DNAH11: variants seen among roughly 807,000 people sequenced by gnomAD.
DNAH11 encodes dynein axonemal heavy chain 11.
Under a neutral mutation model 526.0 loss-of-function variants are expected in DNAH11, and 442 were observed. That is an observed-to-expected ratio of 0.84 (90% CI 0.78 to 0.91). The LOEUF is 0.91. Ranked by LOEUF, DNAH11 falls within the 40% of genes least tolerant of loss-of-function variation. DNAH11 has a pLI of 0.00. For missense variants in DNAH11, 6,989 were observed against 5,448.7 expected, an observed-to-expected ratio of 1.28 and a Z score of -8.90; for synonymous variants, 2,461 against 1,935.9, an observed-to-expected ratio of 1.27 and a Z score of -7.12.
intron 63 of DNAH11, among the ~76,000 whole-genome samples, chr7:21,814,548 A>C (rs1262081993): frequency 8.0e-6 from 1 of 124,568 alleles, no homozygotes; most frequent in Non-Finnish European, 1.6e-5. Context: ...CCAGAGTGTG[A>C]TGTTCCCCTT....
chr7:21,817,597 G>A (rs1163924519), intron 64 of DNAH11, among the ~76,000 whole-genome samples: 1 of 151,312 alleles, frequency 6.6e-6, no homozygotes, highest in Non-Finnish European at 1.5e-5. Flanking sequence ...AGAGGCTGAG[G>A]CAGGAGGATC....
rs1418505953 is a variant in DNAH11 at position 21,842,653 on chromosome 7, A to T, written c.10801A>T (p.Thr3601Ser). The T allele has an allele frequency of 3.1e-6, 5 of 1,613,582 alleles. No homozygotes were observed. The highest frequency in any genetic ancestry group is 4.2e-6 in the Non-Finnish European group (5 of 1,179,814). Residue 3601 changes from threonine (T) to serine (S), a missense_variant, in exon 66 of 82, where the codon ACT (threonine) becomes TCT (serine). Thr to Ser is a moderately conservative substitution (Grantham distance 58). Transcript: ENST00000409508. ...TAAGCCGGAATTACAAGCTCAGACA[A>T]CTCTCCTCAATTTCACAGTCACAGA... ...HYKPELQAQT[T>S]LLNFTVTEDG...
At chr7:21,750,486 A>AT (rs2128493171) in intron 54 of DNAH11, 122 bp downstream of exon 54, 1 of 1,282,326 alleles carries the variant, frequency 7.8e-7, no homozygotes, top group East Asian at 2.5e-5. Flanking sequence ...GGACGTGTGC[A>AT]TTTTTACACG....
At chr7:21,812,530 A>T (rs1789574620) in intron 63 of DNAH11, among the ~76,000 whole-genome samples, 1 of 141,572 alleles carries the variant, frequency 7.1e-6, no homozygotes, top group African/African-American at 2.6e-5. Context: ...TTTTAAACCC[A>T]GCCAGGTGTG....
intron 62 of DNAH11, among the ~76,000 whole-genome samples, chr7:21,802,317 T>TA (rs200977591): frequency 0.012 from 1,857 of 152,160 alleles, 41 homozygotes; most frequent in African/African-American, 0.041. Flanking sequence ...ATGACTATAA[T>TA]AAAAAATATG....
At chr7:21,789,146 A>C (rs1788321112) in intron 60 of DNAH11, 95 bp from the exon 61 acceptor site, 3 of 910,070 alleles carry the variant, frequency 3.3e-6, no homozygotes, top group Non-Finnish European at 5.1e-6. Flanking sequence ...AAGTTGCTAG[A>C]TGAATTAGAG....
chr7:21,644,999 T>A (rs1787287787), intron 28 of DNAH11, among the ~76,000 whole-genome samples: 1 of 152,262 alleles, frequency 6.6e-6, no homozygotes. Context: ...ATTTTGCATA[T>A]GTGTTGCCAC....
chr7:21,705,610 A>T, intron 39 of DNAH11, 73 bp downstream of exon 39: 1 of 1,449,458 alleles, frequency 6.9e-7, no homozygotes, highest in Non-Finnish European at 9.6e-7. Context: ...GCCTATTTTC[A>T]ATGCTACTCA....
chr7:21,848,166 C>CAAAAAAAAAAAAA (rs58058317), intron 66 of DNAH11, among the ~76,000 whole-genome samples: 2 of 88,986 alleles, frequency 2.2e-5, no homozygotes, highest in African/African-American at 8.4e-5. Context: ...GACTCTGTTT[C>CAAAAAAAAAAAAA]AAAAAAAAAA....
rs558790980 is a variant in DNAH11, at chr7:21,551,437, C to T, written c.495+6288C>T. 2.3e-3 allele frequency among the ~76,000 whole-genome samples: 349 copies of T among 152,266 alleles called. 1 individual carries two copies. Among genetic ancestry groups the T allele is most frequent in the Middle Eastern group, 3.4e-3 (1 of 294 alleles). ...AGTTCCCCATGTACCAATTCCTTTCCGCTGCTATTTATTAGGCCCCACTCT... is the reference window on the plus strand; with the variant it reads ...AGTTCCCCATGTACCAATTCCTTTCTGCTGCTATTTATTAGGCCCCACTCT... On this transcript the variant is annotated intron_variant, in intron 2 of 81. Transcript: ENST00000409508.
rs541780146 is a variant in DNAH11, at chr7:21,734,248, GT to G, written c.7441-1390del. Among the ~76,000 whole-genome samples, 1,370 of 152,314 alleles carry G rather than the reference GT, an allele frequency of 9.0e-3. 7 individuals are homozygous for G. The highest frequency in any genetic ancestry group is 0.014 in the Non-Finnish European group (927 of 68,034). On this transcript the variant is annotated intron_variant, in intron 45 of 81. Transcript: ENST00000409508. ...AAATAACAACTCTCTTTATAGGTTT[GT>G]TATGGGTGTCTTATGACATTATACA... is the stretch of plus-strand genomic sequence containing the variant.
Position 21,564,304 on chromosome 7 carries a change from C to A in DNAH11, c.1101C>A (p.Thr367=), listed in dbSNP as rs765777122. 6.2e-7 allele frequency: 1 copy of A among 1,613,526 alleles called. No individual in the cohort carries two copies. The highest frequency in any genetic ancestry group is 8.5e-7 in the Non-Finnish European group (1 of 1,179,662). Residue 367 remains threonine, a synonymous_variant, in exon 6 of 82, where the codon ACC becomes ACA. Transcript: ENST00000409508. ...TATTAATCGCTCCATTATTTCATAC[C>A]ATCTGTCTGATCTGGAGTCATTCCA... ...TRILIAPLFH[T]ICLIWSHSKF... is the part of the protein sequence containing the mutation.
intron 25 of DNAH11, among the ~76,000 whole-genome samples, chr7:21,626,641 A>G (rs1162279980): frequency 1.3e-5 from 2 of 151,396 alleles, no homozygotes; most frequent in South Asian, 2.1e-4. Context: ...GGTAAAAGCC[A>G]TTTAACTGGG....
chr7:21,594,426 G>T (rs921523986), intron 14 of DNAH11, among the ~76,000 whole-genome samples: 6 of 152,158 alleles, frequency 3.9e-5, no homozygotes. Flanking sequence ...TGCTCTCATG[G>T]AACTTGAATC....
intron 76 of DNAH11, among the ~76,000 whole-genome samples, chr7:21,889,054 T>G (rs1000104754): frequency 6.6e-6 from 1 of 151,428 alleles, no homozygotes; most frequent in Non-Finnish European, 1.5e-5. Flanking sequence ...GCACCATTTG[T>G]TTCCCACCCC....
intron 68 of DNAH11, among the ~76,000 whole-genome samples, chr7:21,860,989 G>C (rs147209631): frequency 7.0e-4 from 107 of 152,268 alleles, no homozygotes; most frequent in Non-Finnish European, 1.3e-3. Context: ...CCATGATTCA[G>C]TTATCTTCCA....
chr7:21,649,656 CT>C (rs576947483), intron 28 of DNAH11, among the ~76,000 whole-genome samples: 122 of 140,240 alleles, frequency 8.7e-4, no homozygotes, highest in Middle Eastern at 3.6e-3. Flanking sequence ...GTATCCTACT[CT>C]TTTTTTTTTT....
In DNAH11 at chr7:21,619,104, A is replaced by T; in HGVS notation, c.4259A>T (p.Lys1420Met). Residue 1420 changes from lysine (K) to methionine (M), a missense_variant, in exon 24 of 82, where the codon AAG becomes ATG. Lys to Met is a moderately conservative substitution (Grantham distance 95). Coordinates refer to ENST00000409508, the MANE Select transcript of DNAH11 (RefSeq NM_001277115.2). Reference protein sequence around the residue: ...WHQLMKAIGVKFLINEATTLA... With the variant: ...WHQLMKAIGVMFLINEATTLA... ...AACTTTTTTTCCCCCAATCAGGTCAAGTTTTTAATAAATGAAGCCACAACT... is the reference window on the plus strand; with the variant it reads ...AACTTTTTTTCCCCCAATCAGGTCATGTTTTTAATAAATGAAGCCACAACT... 6.2e-7 allele frequency: 1 copy of T among 1,613,568 alleles called. No individual in the cohort carries two copies. The highest frequency in any genetic ancestry group is 8.5e-7 in the Non-Finnish European group (1 of 1,179,624).
intron 65 of DNAH11, among the ~76,000 whole-genome samples, chr7:21,837,297 A>G (rs1489931106): frequency 1.3e-5 from 2 of 152,228 alleles, no homozygotes; most frequent in Non-Finnish European, 2.9e-5. Context: ...TGTTTATTGT[A>G]GCATTGTTCA....
Sources: gnomAD v4.1 joint callset for allele counts (sites outside exome capture counted in the v4.1 genomes callset) on GRCh38, gnomAD v4.1.1 for gene constraint, MANE v1.5 for transcripts, NCBI Gene and HGNC (gene_info 2026-07-23, HGNC 2026-07-21) for gene names.